The following LRRC37A2 variants were observed in gnomAD, a reference collection of about 807,000 sequenced individuals.
The protein encoded by LRRC37A2 is leucine-rich repeat-containing protein 37A2.
In LRRC37A2, 9 loss-of-function variants were observed where a neutral mutation model predicts 68.8. That is an observed-to-expected ratio of 0.13 (90% CI 0.08 to 0.23). The LOEUF (loss-of-function observed/expected upper bound fraction) is 0.23, where lower values mean the gene tolerates loss of function less well. Ranked by LOEUF, LRRC37A2 falls within the 10% of genes least tolerant of loss-of-function variation. The pLI is 1.00. For missense variants in LRRC37A2, 168 were observed against 950.4 expected (o/e 0.18, Z 10.82); for synonymous variants, 63 against 367.6 (o/e 0.17, Z 9.48).
the LRRC37A2 span, chr17:46,932,565 A>C: frequency 2.0e-6 from 1 of 489,446 alleles, no homozygotes; most frequent in East Asian, 3.4e-5. Flanking sequence ...CAGCATTTCA[A>C]AGCTGCCTGC....
chr17:46,911,427 C>T, the LRRC37A2 span: 1 of 152,220 alleles, frequency 6.6e-6, no homozygotes, highest in Non-Finnish European at 1.5e-5. Context: ...CAGAACTCTT[C>T]ACACTTCAAT....
chr17:47,021,308 G>C, the LRRC37A2 span, among the ~76,000 whole-genome samples: 41 of 134,984 alleles, frequency 3.0e-4, 1 homozygote, highest in South Asian at 4.3e-3. Flanking sequence ...TTAATTCAGG[G>C]AGACAAAATA....
the LRRC37A2 span, among the ~76,000 whole-genome samples, chr17:46,952,402 A>G: frequency 6.6e-6 from 1 of 152,064 alleles, no homozygotes; most frequent in Non-Finnish European, 1.5e-5. Context: ...TGGTTTCCTG[A>G]CCAACATCCA....
chr17:46,900,345 G>A, the LRRC37A2 span, among the ~76,000 whole-genome samples: 1 of 151,532 alleles, frequency 6.6e-6, no homozygotes, highest in African/African-American at 2.4e-5. Context: ...CTGCCTCCCG[G>A]GTTCAAGAGA....
the LRRC37A2 span, chr17:46,978,410 A>C: frequency 1.9e-6 from 1 of 520,976 alleles, no homozygotes; most frequent in African/African-American, 2.0e-5. Flanking sequence ...AACTGGTAAG[A>C]ACCCTCACCC....
At chr17:46,797,249 A>G in the LRRC37A2 span, among the ~76,000 whole-genome samples, 2 of 152,204 alleles carry the variant, frequency 1.3e-5, no homozygotes, top group Non-Finnish European at 2.9e-5. Flanking sequence ...TAAGAAACAC[A>G]CTATGCGATG....
At chr17:46,498,919 A>G in the LRRC37A2 span, among the ~76,000 whole-genome samples, 2 of 150,848 alleles carry the variant, frequency 1.3e-5, no homozygotes, top group African/African-American at 5.0e-5. Context: ...ATATATGTAT[A>G]TACATGTAGA....
At chr17:47,018,972 G>T in the LRRC37A2 span, 12 of 1,519,242 alleles carry the variant, frequency 7.9e-6, no homozygotes, top group Admixed American at 2.0e-4. Context: ...TCCAACACCA[G>T]GTCAGGATCA....
the LRRC37A2 span, among the ~76,000 whole-genome samples, chr17:46,846,325 C>T: frequency 6.6e-6 from 1 of 152,188 alleles, no homozygotes; most frequent in African/African-American, 2.4e-5. Context: ...TTCATTAATT[C>T]AGTTATTTAA....
the LRRC37A2 span, among the ~76,000 whole-genome samples, chr17:46,861,355 T>G: frequency 6.6e-6 from 1 of 152,356 alleles, no homozygotes; most frequent in South Asian, 2.1e-4. Context: ...CTCCCTGGTC[T>G]GCAGTGAATA....
chr17:46,963,543 C>A, the LRRC37A2 span, among the ~76,000 whole-genome samples: 19 of 137,712 alleles, frequency 1.4e-4, no homozygotes, highest in African/African-American at 4.6e-4. Context: ...GGCTCGGTCT[C>A]AAAAAAAAAA....
At chr17:46,622,773 A>G in the LRRC37A2 span, among the ~76,000 whole-genome samples, 12 of 150,186 alleles carry the variant, frequency 8.0e-5, no homozygotes, top group Admixed American at 2.6e-4. Context: ...ACTGTGTCAA[A>G]AAACAAAACA....
At chr17:46,777,214 A>C in the LRRC37A2 span, among the ~76,000 whole-genome samples, 95,022 of 151,810 alleles carry the variant, frequency 0.63, 32,319 homozygotes, top group South Asian at 0.82. Context: ...CGTCTCAAAA[A>C]AAAAAAAGAA....
chr17:46,900,222 T>A, the LRRC37A2 span, among the ~76,000 whole-genome samples: 1 of 122,858 alleles, frequency 8.1e-6, no homozygotes, highest in East Asian at 2.3e-4. Flanking sequence ...CACACACACA[T>A]ATATATATAT....
At chr17:46,778,002 T>C in the LRRC37A2 span, among the ~76,000 whole-genome samples, 1 of 152,228 alleles carries the variant, frequency 6.6e-6, no homozygotes. Flanking sequence ...AGCAATTTTC[T>C]TAACCTCTAT....
the LRRC37A2 span, among the ~76,000 whole-genome samples, chr17:46,853,162 G>A: frequency 6.6e-6 from 1 of 152,080 alleles, no homozygotes; most frequent in Admixed American, 6.5e-5. Context: ...ATCATCACTA[G>A]GGCACAGACT....
the LRRC37A2 span, among the ~76,000 whole-genome samples, chr17:46,840,144 T>C: frequency 6.6e-6 from 1 of 151,660 alleles, no homozygotes; most frequent in Non-Finnish European, 1.5e-5. Context: ...TGGAGTGCAG[T>C]GGTGTGATCT....
At chr17:46,838,058 AG>A in the LRRC37A2 span, among the ~76,000 whole-genome samples, 27 of 152,150 alleles carry the variant, frequency 1.8e-4, no homozygotes, top group East Asian at 5.2e-3. Context: ...CCCTGTGTTG[AG>A]GGGGTGGAGG....
the LRRC37A2 span, among the ~76,000 whole-genome samples, chr17:46,497,574 G>GC: frequency 4.6e-3 from 679 of 148,460 alleles, 47 homozygotes; most frequent in African/African-American, 0.016. Context: ...CTTTATTCTA[G>GC]CCCCCCCTTA....
Sources: allele counts gnomAD v4.1 joint callset (sites outside exome capture counted in the v4.1 genomes callset), GRCh38; gene constraint gnomAD v4.1.1; transcripts MANE v1.5; gene names NCBI Gene and HGNC (gene_info 2026-07-23, HGNC 2026-07-21).